ZFHX3: variants seen among roughly 807,000 people sequenced by gnomAD.
ZFHX3 encodes zinc finger homeobox protein 3.
In ZFHX3, 42 loss-of-function variants were observed where a neutral mutation model predicts 279.1. That is an observed-to-expected ratio of 0.15 (90% confidence interval 0.12 to 0.19). ZFHX3 has a LOEUF of 0.19. Ranked by LOEUF, ZFHX3 falls within the 10% of genes least tolerant of loss-of-function variation. The probability of loss-of-function intolerance (pLI) is 1.00; values close to 1 mark genes in which losing one functional copy is unlikely to be tolerated. For missense variants in ZFHX3, 4,981 were observed against 4,754.0 expected, an observed-to-expected ratio of 1.05 and a Z score of -1.40; for synonymous variants, 2,293 against 1,957.8, an observed-to-expected ratio of 1.17 and a Z score of -4.52.
In ZFHX3 at chr16:72,788,381, G is replaced by A. The variant is rs141316505; in HGVS notation, c.9895C>T (p.Pro3299Ser). 41 of 1,614,202 alleles carry A rather than the reference G, an allele frequency of 2.5e-5. 1 individual carries two copies. The South Asian group carries it at 3.8e-4, about 15-fold the overall frequency. The stretch of plus-strand genomic sequence containing the variant: ...AACTGGCTTGTGAGCAATGCTGTGG[G>A]GTCCGAAGTCAACGCGGCCTGCAGG... Reference protein sequence around the residue: ...QALQAALTSDPTALLTSQFLP... With the variant: ...QALQAALTSDSTALLTSQFLP... The change falls in exon 10 of 10, where the codon CCC becomes TCC. Residue 3299 changes from proline (P) to serine (S), a missense_variant. By Grantham distance (74) the Pro-to-Ser change is moderately conservative. Transcript: ENST00000268489.
intron 5 of ZFHX3, among the ~76,000 whole-genome samples, chr16:73,172,988 GTTTTTTTGTTTTTTTTTTTGTTT>G (rs1470383181): frequency 1.9e-4 from 9 of 46,168 alleles, no homozygotes; most frequent in East Asian, 8.7e-4. Context: ...TGATGGGACT[GTTTTTTTGTTTTTTTTTTTGTTT>G]TTTTTTTTTT....
At chr16:73,335,966 C>G (rs776767086) in intron 3 of ZFHX3, among the ~76,000 whole-genome samples, 22 of 152,198 alleles carry the variant, frequency 1.4e-4, no homozygotes, top group Admixed American at 1.3e-4. Flanking sequence ...ATCACAGATT[C>G]TTTTTCTTCT....
rs1181027787 is a variant in ZFHX3 at position 72,890,063 on chromosome 16, C to G, written c.3217-101G>C. The G allele has an allele frequency of 2.9e-6, 3 of 1,028,348 alleles. No individual in the cohort carries two copies. In the Admixed American group the frequency reaches 6.8e-5, roughly 23 times the overall value. The allele number at this position is 1,028,348 out of a possible 1,614,324, so 63.7% of individuals were successfully genotyped here. ...CTGGTCACAGCCAGAGGCATGCCTC[C>G]AGGGGACACATCTCCACAGCCAAAC... is the stretch of plus-strand genomic sequence containing the variant. On this transcript the variant is annotated intron_variant, in intron 3 of 9. Transcript: ENST00000268489.
At chr16:73,647,050 T>C (rs1334002869) in intron 2 of ZFHX3, among the ~76,000 whole-genome samples, 1 of 148,794 alleles carries the variant, frequency 6.7e-6, no homozygotes, top group African/African-American at 2.5e-5. Flanking sequence ...GACGGAACTC[T>C]GTTGCCAGGT....
intron 2 of ZFHX3, among the ~76,000 whole-genome samples, chr16:73,626,389 T>C (rs1425160345): frequency 6.6e-6 from 1 of 152,140 alleles, no homozygotes; most frequent in African/African-American, 2.4e-5. Flanking sequence ...AAGGAGATTT[T>C]CATCTCTAAA....
intron 1 of ZFHX3, among the ~76,000 whole-genome samples, chr16:72,997,292 T>C (rs1262611904): frequency 1.3e-5 from 2 of 152,156 alleles, no homozygotes; most frequent in Non-Finnish European, 1.5e-5. Flanking sequence ...CTGTGAAACT[T>C]GAACAACCGG....
chr16:73,268,368 C>T (rs1597253236), intron 4 of ZFHX3, among the ~76,000 whole-genome samples: 1 of 152,188 alleles, frequency 6.6e-6, no homozygotes, highest in Non-Finnish European at 1.5e-5. Context: ...ATGCTGAGTG[C>T]ATTGCAGGGG....
chr16:73,622,826 G>T (rs2052377509), intron 2 of ZFHX3, among the ~76,000 whole-genome samples: 1 of 152,062 alleles, frequency 6.6e-6, no homozygotes, highest in South Asian at 2.1e-4. Context: ...CTCGCTCTGC[G>T]AATTTCCCTA....
chr16:73,279,573 A>G (rs993512946), intron 4 of ZFHX3, among the ~76,000 whole-genome samples: 1 of 152,134 alleles, frequency 6.6e-6, no homozygotes, highest in South Asian at 2.1e-4. Flanking sequence ...TTGTCTGTAC[A>G]TTTCTCATGT....
intron 4 of ZFHX3, among the ~76,000 whole-genome samples, chr16:72,835,068 C>G (rs1392555128): frequency 1.3e-5 from 2 of 152,146 alleles, no homozygotes; most frequent in African/African-American, 4.8e-5. Flanking sequence ...ACCCGAGGCT[C>G]TCACATGATC....
intron 3 of ZFHX3, among the ~76,000 whole-genome samples, chr16:73,441,992 G>C (rs1196472973): frequency 1.6e-4 from 24 of 152,122 alleles, no homozygotes; most frequent in Admixed American, 1.5e-3. Flanking sequence ...TTAGTGTCTT[G>C]GGATTCACTC....
chr16:73,291,271 G>A (rs981276622), intron 4 of ZFHX3, among the ~76,000 whole-genome samples: 13 of 152,152 alleles, frequency 8.5e-5, no homozygotes, highest in Non-Finnish European at 4.4e-5. Context: ...CCCCACTGAT[G>A]TCTCTGGCTG....
intron 1 of ZFHX3, among the ~76,000 whole-genome samples, chr16:73,784,106 G>T (rs774530858): frequency 2.6e-5 from 4 of 151,964 alleles, no homozygotes; most frequent in African/African-American, 4.8e-5. Context: ...TGGCTGTTTT[G>T]GAGAGATGGC....
chr16:73,688,535 A>C (rs1239128775), intron 1 of ZFHX3, among the ~76,000 whole-genome samples: 1 of 152,072 alleles, frequency 6.6e-6, no homozygotes, highest in Non-Finnish European at 1.5e-5. Context: ...ACACAGTGCA[A>C]AGGCGCCCTG....
intron 4 of ZFHX3, among the ~76,000 whole-genome samples, chr16:73,295,297 G>A (rs2014882566): frequency 6.6e-6 from 1 of 152,196 alleles, no homozygotes; most frequent in African/African-American, 2.4e-5. Flanking sequence ...GAGCCAGTTG[G>A]GGGACGATTT....
intron 6 of ZFHX3, among the ~76,000 whole-genome samples, chr16:73,136,136 G>A (rs954687552): frequency 2.0e-5 from 3 of 152,084 alleles, no homozygotes; most frequent in African/African-American, 4.8e-5. Flanking sequence ...GATTACAGGC[G>A]TGATTATTTG....
intron 1 of ZFHX3, among the ~76,000 whole-genome samples, chr16:73,786,596 C>G (rs1310962716): frequency 2.0e-5 from 3 of 152,160 alleles, no homozygotes. Context: ...ATCCTCCTAA[C>G]CAAGTGGCAG....
chr16:73,105,715 T>C (rs1447231000), intron 7 of ZFHX3, among the ~76,000 whole-genome samples: 7 of 152,172 alleles, frequency 4.6e-5, no homozygotes, highest in Admixed American at 4.6e-4. Flanking sequence ...ATCGTGCCAC[T>C]GCACTCCAGC....
intron 5 of ZFHX3, among the ~76,000 whole-genome samples, chr16:73,183,597 G>A (rs1567412399): frequency 6.6e-6 from 1 of 152,252 alleles, no homozygotes; most frequent in East Asian, 1.9e-4. Flanking sequence ...TCTGGAGATG[G>A]TTGGGGCTAC....
Sources: allele counts gnomAD v4.1 joint callset (sites outside exome capture counted in the v4.1 genomes callset), GRCh38; gene constraint gnomAD v4.1.1; transcripts MANE v1.5; gene names NCBI Gene and HGNC (gene_info 2026-07-23, HGNC 2026-07-21).